The following ARB2A variants were observed in gnomAD, a reference collection of about 807,000 sequenced individuals.
The protein encoded by ARB2A is cotranscriptional regulator ARB2A.
chr5:93,802,702 G>C, the ARB2A span, among the ~76,000 whole-genome samples: 8 of 152,042 alleles, frequency 5.3e-5, no homozygotes, highest in African/African-American at 1.9e-4. Flanking sequence ...AAATGCAATA[G>C]TTTAGCAGGC....
chr5:93,775,888 A>AT, the ARB2A span, among the ~76,000 whole-genome samples: 1 of 152,146 alleles, frequency 6.6e-6, no homozygotes, highest in Admixed American at 6.5e-5. Flanking sequence ...TCATATATGT[A>AT]TGTCTTATCT....
the ARB2A span, among the ~76,000 whole-genome samples, chr5:93,792,547 T>C: frequency 2.0e-5 from 3 of 151,916 alleles, no homozygotes; most frequent in African/African-American, 4.8e-5. Flanking sequence ...TGGATGAAAT[T>C]GGAAATCATC....
chr5:94,019,335 T>C, the ARB2A span, among the ~76,000 whole-genome samples: 3 of 152,106 alleles, frequency 2.0e-5, no homozygotes. Context: ...CTAAAGAGTT[T>C]CTGCACAGCA....
the ARB2A span, among the ~76,000 whole-genome samples, chr5:94,088,876 A>G: frequency 3.3e-4 from 51 of 152,348 alleles, no homozygotes; most frequent in African/African-American, 1.1e-3. Flanking sequence ...ATGAAGGCTG[A>G]GAATTCAATT....
At chr5:93,648,729 G>C in the ARB2A span, among the ~76,000 whole-genome samples, 1 of 152,146 alleles carries the variant, frequency 6.6e-6, no homozygotes, top group Admixed American at 6.5e-5. Context: ...GCTGAACTGA[G>C]GGACTTAAAA....
At chr5:93,797,194 G>C in the ARB2A span, among the ~76,000 whole-genome samples, 2 of 152,108 alleles carry the variant, frequency 1.3e-5, no homozygotes, top group Admixed American at 6.5e-5. Context: ...TGATGCATGA[G>C]AGCACTGAAA....
At chr5:93,683,541 C>A in the ARB2A span, 1 of 1,489,494 alleles carries the variant, frequency 6.7e-7, no homozygotes, top group Admixed American at 1.7e-5. Context: ...TCTGCTTCAA[C>A]AATGTGCAGT....
the ARB2A span, among the ~76,000 whole-genome samples, chr5:93,628,495 T>C: frequency 6.6e-6 from 1 of 152,218 alleles, no homozygotes. Flanking sequence ...ACTTATCCTC[T>C]CTAGCTGTGA....
the ARB2A span, among the ~76,000 whole-genome samples, chr5:93,696,159 A>G: frequency 6.6e-6 from 1 of 152,186 alleles, no homozygotes; most frequent in African/African-American, 2.4e-5. Context: ...CGTTCTGCAC[A>G]TGTATCCCAG....
At chr5:93,805,654 T>C in the ARB2A span, 1 of 985,032 alleles carries the variant, frequency 1.0e-6, no homozygotes, top group Non-Finnish European at 1.2e-6. Context: ...AAGAAGCTGA[T>C]TATGTATAAA....
At chr5:94,099,517 G>A in the ARB2A span, among the ~76,000 whole-genome samples, 2 of 150,920 alleles carry the variant, frequency 1.3e-5, no homozygotes, top group African/African-American at 2.4e-5. Flanking sequence ...CCAGCTACTC[G>A]GGATGCTGAG....
chr5:93,689,136 T>C, the ARB2A span, among the ~76,000 whole-genome samples: 16 of 152,316 alleles, frequency 1.1e-4, no homozygotes, highest in African/African-American at 3.1e-4. Context: ...TCTCCAGCAA[T>C]ACCGGACTTT....
the ARB2A span, among the ~76,000 whole-genome samples, chr5:93,771,842 T>C: frequency 6.6e-6 from 1 of 152,202 alleles, no homozygotes; most frequent in Non-Finnish European, 1.5e-5. Flanking sequence ...ATAGGAACAC[T>C]TTTACACTGT....
chr5:93,702,636 G>T, the ARB2A span, among the ~76,000 whole-genome samples: 1 of 152,082 alleles, frequency 6.6e-6, no homozygotes, highest in African/African-American at 2.4e-5. Flanking sequence ...GAAAGAAGGA[G>T]CCAGATCCAC....
the ARB2A span, among the ~76,000 whole-genome samples, chr5:93,836,279 G>T: frequency 6.6e-6 from 1 of 152,000 alleles, no homozygotes; most frequent in African/African-American, 2.4e-5. Context: ...CGCCCACCTC[G>T]GCCTCCCAAA....
the ARB2A span, among the ~76,000 whole-genome samples, chr5:94,058,541 A>G: frequency 6.6e-6 from 1 of 152,190 alleles, no homozygotes; most frequent in Non-Finnish European, 1.5e-5. Flanking sequence ...AAGCTTCTAT[A>G]CATAAAAAAA....
the ARB2A span, among the ~76,000 whole-genome samples, chr5:93,956,076 C>A: frequency 6.6e-6 from 1 of 152,216 alleles, no homozygotes; most frequent in Non-Finnish European, 1.5e-5. Context: ...TTGTCAAACA[C>A]CAAGAATATT....
At chr5:93,755,604 C>T in the ARB2A span, among the ~76,000 whole-genome samples, 15 of 152,354 alleles carry the variant, frequency 9.8e-5, no homozygotes, top group Non-Finnish European at 1.5e-5. Context: ...CTCCCAAACA[C>T]ACAGCCCCAC....
At chr5:93,771,009 C>CA in the ARB2A span, among the ~76,000 whole-genome samples, 26 of 151,416 alleles carry the variant, frequency 1.7e-4, no homozygotes, top group Middle Eastern at 3.4e-3. Context: ...AATCCTAAGC[C>CA]AAAAAAAACA....
Sources: allele counts gnomAD v4.1 joint callset (sites outside exome capture counted in the v4.1 genomes callset), GRCh38; gene constraint gnomAD v4.1.1; transcripts MANE v1.5; gene names NCBI Gene and HGNC (gene_info 2026-07-23, HGNC 2026-07-21).